The following KIAA0753 variants were observed in gnomAD, a reference collection of about 807,000 sequenced individuals.
KIAA0753 encodes the protein protein moonraker.
KIAA0753 carries 114 observed loss-of-function variants against 116.9 expected under a neutral mutation model. The ratio of observed to expected loss-of-function variants is 0.98; its 90% CI spans 0.84 to 1.14. The LOEUF (loss-of-function observed/expected upper bound fraction) is 1.14, where lower values mean the gene tolerates loss of function less well. Among genes scored for constraint, KIAA0753 ranks in the 50% most tolerant of loss-of-function variants. The pLI, the probability that KIAA0753 is intolerant of heterozygous loss-of-function variation, is 0.00. For missense variants in KIAA0753, 1,156 were observed against 1,172.4 expected, an observed-to-expected ratio of 0.99 and a Z score of 0.20; for synonymous variants, 405 against 413.1, an observed-to-expected ratio of 0.98 and a Z score of 0.24.
chr17:6,634,678 G>A (rs914659227), intron 2 of KIAA0753: 1 of 193,656 alleles, frequency 5.2e-6, no homozygotes, highest in Admixed American at 5.3e-5. Context: ...ACTGAGTAAA[G>A]CTGAATAAAG....
Position 6,620,881 on chromosome 17 carries a change from T to G in KIAA0753, c.1222A>C (p.Thr408Pro), listed in dbSNP as rs374318086. ...SQKALERWPS[T>P]SPKGERRPLT... is the part of the protein sequence containing the mutation. ...GGCCTCCTCTCACCCTTTGGTGATG[T>G]ACTTGGCCATCTCTCCAAGGCCTTT... The change falls in exon 7 of 19, where the codon ACA becomes CCA. Residue 408 changes from threonine (T) to proline (P), a missense_variant. Coordinates refer to ENST00000361413, the MANE Select transcript of KIAA0753 (RefSeq NM_014804.3). 4.0e-5 allele frequency: 65 copies of G among 1,614,088 alleles called. No homozygotes were observed. The highest frequency in any genetic ancestry group is 5.2e-5 in the Non-Finnish European group (61 of 1,180,016).
chr17:6,594,580 T>C (rs1268385349), intron 16 of KIAA0753, among the ~76,000 whole-genome samples: 3 of 152,238 alleles, frequency 2.0e-5, no homozygotes, highest in African/African-American at 7.2e-5. Context: ...AGGTGATATG[T>C]TCTATGTCTT....
intron 2 of KIAA0753, 140 bp downstream of exon 2, chr17:6,634,871 T>G (rs1972215650): frequency 1.6e-6 from 1 of 619,612 alleles, no homozygotes. Context: ...GACAGATGGT[T>G]GAGTAGGTAG....
intron 16 of KIAA0753, among the ~76,000 whole-genome samples, chr17:6,592,482 C>T (rs1022826307): frequency 2.0e-5 from 3 of 152,118 alleles, no homozygotes; most frequent in Admixed American, 6.5e-5. Context: ...ATTTGAGTAA[C>T]GTTTCCCAGC....
rs73975671 is a variant in KIAA0753, at chr17:6,639,676, C to T, written c.-69+961G>A. ...CCAGGGCCCTGTAAGACCGCCGCGGCTTGTCTCTACCCAGGAAGCTCGGCC... is the reference window on the plus strand; with the variant it reads ...CCAGGGCCCTGTAAGACCGCCGCGGTTTGTCTCTACCCAGGAAGCTCGGCC... On this transcript the variant is annotated intron_variant, in intron 1 of 18. Coordinates refer to ENST00000361413, the MANE Select transcript of KIAA0753 (RefSeq NM_014804.3). The surrounding 1 kb of genome is among the most constrained non-coding windows in gnomAD (Gnocchi z 4.3). 7 of 153,142 alleles carry T rather than the reference C, an allele frequency of 4.6e-5. No homozygotes were observed. The highest frequency in any genetic ancestry group is 1.7e-4 in the African/African-American group (7 of 41,558). 9.5% of individuals were successfully genotyped at this position (153,142 alleles called of 1,614,324 possible).
In KIAA0753 at chr17:6,579,402, G is replaced by GT. The variant is rs145329109; in HGVS notation, c.*344dup. On this transcript the variant is annotated 3_prime_UTR_variant, in exon 19 of 19. Coordinates refer to ENST00000361413, the MANE Select transcript of KIAA0753 (RefSeq NM_014804.3). ...ACCTGAATCCTTGTGTGAAATATAC[G>GT]TATCGATTATCTTTCAAAACATTTT... is the stretch of plus-strand genomic sequence containing the variant. 1.0e-4 allele frequency: 20 copies of GT among 198,980 alleles called. No individual in the cohort carries two copies. In the East Asian group the frequency reaches 2.0e-3, roughly 20 times the overall value. 12.3% of individuals were successfully genotyped at this position (198,980 alleles called of 1,614,324 possible).
intron 7 of KIAA0753, among the ~76,000 whole-genome samples, chr17:6,615,475 C>T (rs758689712): frequency 6.6e-6 from 1 of 151,962 alleles, no homozygotes. Context: ...CTTAATAAGG[C>T]ATGTTGGCAG....
Position 6,606,894 on chromosome 17 carries a change from A to G in KIAA0753, c.1988T>C (p.Met663Thr), listed in dbSNP as rs1970230868. The change falls in exon 12 of 19, where the codon ATG becomes ACG. Residue 663 changes from methionine to threonine, a missense_variant. Physicochemically the swap from Met to Thr is moderately conservative, Grantham distance 81. Transcript: ENST00000361413. ...ATACCTCAATTGTTGGAGTCTATAC[A>G]TTTCTTCAGCTTTGAGCTCATTCAG... is the stretch of plus-strand genomic sequence containing the variant. ...KELNELKAEE[M>T]YRLQQLSVSA... is the part of the protein sequence containing the mutation. 1.9e-6 allele frequency: 3 copies of G among 1,613,844 alleles called. No individual in the cohort carries two copies. In the African/African-American group the frequency reaches 4.0e-5, roughly 22 times the overall value.
At chr17:6,602,467 A>G (rs912011916) in intron 12 of KIAA0753, among the ~76,000 whole-genome samples, 3 of 152,238 alleles carry the variant, frequency 2.0e-5, no homozygotes, top group Admixed American at 1.3e-4. Flanking sequence ...TACACACACA[A>G]TGTGGATGAA....
intron 16 of KIAA0753, among the ~76,000 whole-genome samples, chr17:6,592,236 T>C (rs1244986129): frequency 6.6e-6 from 1 of 152,204 alleles, no homozygotes; most frequent in Non-Finnish European, 1.5e-5. Flanking sequence ...AGATGGCCCA[T>C]CTTTTGGTCA....
chr17:6,624,146 T>C (rs528790704), intron 4 of KIAA0753: 2 of 152,622 alleles, frequency 1.3e-5, no homozygotes, highest in East Asian at 3.9e-4. Context: ...GGCTTACTAA[T>C]GTATAAGGCA....
chr17:6,623,262 T>A (rs1289820899), intron 5 of KIAA0753, among the ~76,000 whole-genome samples, 165 bp from the exon 6 acceptor site: 1 of 152,216 alleles, frequency 6.6e-6, no homozygotes, highest in Non-Finnish European at 1.5e-5. Context: ...AGTTTTCTAG[T>A]GGCAGTCTTT....
intron 2 of KIAA0753, among the ~76,000 whole-genome samples, chr17:6,630,612 A>G (rs1325483662): frequency 6.6e-6 from 1 of 152,180 alleles, no homozygotes; most frequent in African/African-American, 2.4e-5. Context: ...TCCAACAATA[A>G]ACATGTACAG....
At chr17:6,581,395 A>G (rs56044103) in intron 18 of KIAA0753, among the ~76,000 whole-genome samples, 4,436 of 152,254 alleles carry the variant, frequency 0.029, 89 homozygotes, top group Middle Eastern at 0.061. Context: ...GCACCATGAT[A>G]TCTATTTGAT....
intron 16 of KIAA0753, among the ~76,000 whole-genome samples, chr17:6,591,020 G>A (rs1337251143): frequency 6.4e-5 from 6 of 93,192 alleles, no homozygotes; most frequent in African/African-American, 3.3e-4. Context: ...GAAGAAGAAG[G>A]AAGAAGGAAG....
intron 7 of KIAA0753, among the ~76,000 whole-genome samples, chr17:6,614,899 A>G: frequency 6.6e-6 from 1 of 152,148 alleles, no homozygotes; most frequent in Non-Finnish European, 1.5e-5. Context: ...CCCAGGTTCA[A>G]GAGATTCTCC....
intron 9 of KIAA0753, among the ~76,000 whole-genome samples, chr17:6,608,945 T>C (rs549894521): frequency 1.3e-5 from 2 of 152,330 alleles, no homozygotes; most frequent in South Asian, 4.1e-4. Context: ...ATCAACTGAA[T>C]GTAAATCTCC....
chr17:6,618,787 AAT>A (rs1193113631), intron 7 of KIAA0753, among the ~76,000 whole-genome samples: 1 of 152,240 alleles, frequency 6.6e-6, no homozygotes, highest in Admixed American at 6.5e-5. Context: ...GAAAAAAAGA[AAT>A]AAAATATTGA....
rs1968922318 is a variant in KIAA0753, at chr17:6,590,612, A to G, written c.2459T>C (p.Ile820Thr). ...EENNDQKISA[I>T]SEKPLSPHPI... is the part of the protein sequence containing the mutation. ...ATGAGGAGATAGAGGCTTTTCACTT[A>G]TTGCTGAGATTTTTTGGTCTAGAAA... The change falls in exon 17 of 19, where the codon ATA (isoleucine) becomes ACA (threonine). Residue 820 changes from isoleucine to threonine, a missense_variant. By Grantham distance (89) the Ile-to-Thr change is moderately conservative. Coordinates refer to ENST00000361413, the MANE Select transcript of KIAA0753 (RefSeq NM_014804.3). 1 of 1,613,792 alleles carries G rather than the reference A, an allele frequency of 6.2e-7. No individual in the cohort carries two copies. The highest frequency in any genetic ancestry group is 1.3e-5 in the African/African-American group (1 of 75,000).
Sources: allele counts gnomAD v4.1 joint callset (sites outside exome capture counted in the v4.1 genomes callset), GRCh38; gene constraint gnomAD v4.1.1; non-coding constraint Gnocchi (gnomAD v3.1); transcripts MANE v1.5; gene names NCBI Gene and HGNC (gene_info 2026-07-23, HGNC 2026-07-21).